PTPRN2: variants seen among roughly 807,000 people sequenced by gnomAD.
PTPRN2 encodes receptor-type tyrosine-protein phosphatase N2.
Under a neutral mutation model 118.8 loss-of-function variants are expected in PTPRN2, and 74 were observed. That is an observed-to-expected ratio of 0.62 (90% confidence interval 0.52 to 0.76). The LOEUF is 0.76. Ranked by LOEUF, PTPRN2 falls within the 30% of genes least tolerant of loss-of-function variation. The pLI is 0.00. For missense variants in PTPRN2, 1,481 were observed against 1,394.4 expected (o/e 1.06, Z -0.99); for synonymous variants, 641 against 608.0 (o/e 1.05, Z -0.80).
intron 11 of PTPRN2, among the ~76,000 whole-genome samples, chr7:158,051,905 C>T (rs919211669): frequency 4.6e-5 from 7 of 152,096 alleles, no homozygotes; most frequent in South Asian, 2.1e-4. Context: ...TTTAAATGTG[C>T]GGTGACTACC....
At chr7:158,249,153 TATC>T (rs1444145357) in intron 3 of PTPRN2, among the ~76,000 whole-genome samples, 2 of 149,656 alleles carry the variant, frequency 1.3e-5, no homozygotes, top group Non-Finnish European at 3.0e-5. Context: ...CACATATTCA[TATC>T]ACCACACACG....
chr7:158,336,888 A>C (rs1478357038), intron 2 of PTPRN2, among the ~76,000 whole-genome samples: 1 of 103,946 alleles, frequency 9.6e-6, no homozygotes, highest in Non-Finnish European at 2.2e-5. Context: ...GGTCACTCAC[A>C]CCCACACTCT....
intron 2 of PTPRN2, among the ~76,000 whole-genome samples, chr7:158,410,334 A>G (rs980726421): frequency 4.6e-5 from 7 of 152,218 alleles, no homozygotes. Context: ...GAAAGGACAC[A>G]GAATGAGGTC....
At chr7:157,925,665 G>T (rs116194445) in intron 11 of PTPRN2, among the ~76,000 whole-genome samples, 2 of 152,044 alleles carry the variant, frequency 1.3e-5, no homozygotes, top group East Asian at 3.9e-4. Context: ...CCCAGGAGCC[G>T]CTGGGGACCC....
intron 2 of PTPRN2, among the ~76,000 whole-genome samples, chr7:158,363,187 G>T: frequency 6.6e-6 from 1 of 152,178 alleles, no homozygotes; most frequent in Non-Finnish European, 1.5e-5. Context: ...GAGAGGCAAG[G>T]GGAGGACACT....
chr7:158,109,879 G>A (rs1027788342), intron 10 of PTPRN2, among the ~76,000 whole-genome samples: 1 of 151,888 alleles, frequency 6.6e-6, no homozygotes, highest in Admixed American at 6.6e-5. Context: ...GAAGGGGACA[G>A]TGAGTGAATG....
At chr7:157,876,066 G>A (rs1338819806) in intron 12 of PTPRN2, among the ~76,000 whole-genome samples, 1 of 152,206 alleles carries the variant, frequency 6.6e-6, no homozygotes, top group African/African-American at 2.4e-5. Flanking sequence ...TCTCCATCTG[G>A]GGCAGCACCT....
chr7:158,303,296 T>C (rs1169970373), intron 3 of PTPRN2, among the ~76,000 whole-genome samples: 1 of 152,152 alleles, frequency 6.6e-6, no homozygotes, highest in Non-Finnish European at 1.5e-5. Flanking sequence ...CCGCTCTCCA[T>C]TCCACACCAG....
rs1828200155 is a variant in PTPRN2, at chr7:158,574,179, T to G, written c.112+13379A>C. On this transcript the variant is annotated intron_variant, in intron 1 of 22. Transcript: ENST00000389418. This position sits in a 1 kb window ranked among gnomAD's most constrained non-coding sequence, Gnocchi z 4.6. ...TGATGAGCACTGTTCTCAGCATATA[T>G]TGTGCATCGAGACAGCAAATAACCA... Among the ~76,000 whole-genome samples the G allele has an allele frequency of 6.6e-6, 1 of 152,172 alleles. No individual in the cohort carries two copies. Among genetic ancestry groups the G allele is most frequent in the South Asian group, 2.1e-4 (1 of 4,826 alleles).
intron 11 of PTPRN2, among the ~76,000 whole-genome samples, chr7:158,077,017 C>T (rs1812413967): frequency 6.6e-6 from 1 of 152,224 alleles, no homozygotes; most frequent in African/African-American, 2.4e-5. Flanking sequence ...TAAAGGAATT[C>T]ACTTCACTTT....
intron 2 of PTPRN2, among the ~76,000 whole-genome samples, chr7:158,356,064 A>G (rs1808363462): frequency 6.6e-6 from 1 of 152,202 alleles, no homozygotes. Context: ...GTTTTCACAC[A>G]CATATAAATC....
intron 2 of PTPRN2, among the ~76,000 whole-genome samples, chr7:158,357,811 T>C (rs1808510243): frequency 6.6e-6 from 1 of 152,078 alleles, no homozygotes; most frequent in Non-Finnish European, 1.5e-5. Flanking sequence ...CCAGCAGGGG[T>C]GTCCCATTGG....
chr7:157,650,345 C>T (rs1163055999), intron 14 of PTPRN2, among the ~76,000 whole-genome samples: 1 of 152,232 alleles, frequency 6.6e-6, no homozygotes, highest in African/African-American at 2.4e-5. Context: ...CATGTGCAGG[C>T]CTTGCCTATG....
intron 11 of PTPRN2, among the ~76,000 whole-genome samples, chr7:157,950,491 A>G (rs1479793983): frequency 6.6e-6 from 1 of 151,866 alleles, no homozygotes; most frequent in Non-Finnish European, 1.5e-5. Context: ...GGTGGGTCAA[A>G]TGCTCACTGC....
chr7:157,885,113 G>A (rs140081856), intron 12 of PTPRN2, among the ~76,000 whole-genome samples: 72 of 152,314 alleles, frequency 4.7e-4, no homozygotes, highest in African/African-American at 1.6e-3. Flanking sequence ...CCCACACAGA[G>A]TAGTAGCTTG....
intron 15 of PTPRN2, among the ~76,000 whole-genome samples, chr7:157,606,424 T>C (rs2150587224): frequency 6.6e-6 from 1 of 152,324 alleles, no homozygotes. Context: ...GCTGGTGTGA[T>C]GGTAGTGGCC....
intron 10 of PTPRN2, among the ~76,000 whole-genome samples, chr7:158,102,829 T>A (rs1419790406): frequency 2.0e-5 from 3 of 151,958 alleles, no homozygotes; most frequent in African/African-American, 7.3e-5. Context: ...GAGCTGATGG[T>A]CTGGGGAGAA....
chr7:158,276,980 C>A (rs1013321232), intron 3 of PTPRN2, among the ~76,000 whole-genome samples: 6 of 152,128 alleles, frequency 3.9e-5, no homozygotes, highest in Non-Finnish European at 7.4e-5. Context: ...GGACCGGGCT[C>A]CGTCCCCTCT....
chr7:157,778,891 T>C (rs1803506510), intron 12 of PTPRN2, among the ~76,000 whole-genome samples: 1 of 152,248 alleles, frequency 6.6e-6, no homozygotes, highest in African/African-American at 2.4e-5. Context: ...AATGTCTTCC[T>C]ATGCCACTGC....
Sources: allele counts gnomAD v4.1 joint callset (sites outside exome capture counted in the v4.1 genomes callset), GRCh38; gene constraint gnomAD v4.1.1; non-coding constraint Gnocchi (gnomAD v3.1); transcripts MANE v1.5; gene names NCBI Gene and HGNC (gene_info 2026-07-23, HGNC 2026-07-21).